VWA3A: variants seen among roughly 807,000 people sequenced by gnomAD.
VWA3A encodes the protein von Willebrand factor A domain-containing protein 3A.
VWA3A carries 134 observed loss-of-function variants against 160.4 expected under a neutral mutation model. The ratio of observed to expected loss-of-function variants is 0.84; its 90% confidence interval spans 0.73 to 0.96. The LOEUF is 0.96. Ranked by LOEUF, VWA3A falls within the 40% of genes least tolerant of loss-of-function variation. The pLI is 0.00. For missense variants in VWA3A, 1,310 were observed against 1,447.9 expected (o/e 0.90, Z 1.55); for synonymous variants, 476 against 543.4 (o/e 0.88, Z 1.72).
chr16:22,118,390 A>G (rs901793765), intron 11 of VWA3A, among the ~76,000 whole-genome samples: 1 of 152,166 alleles, frequency 6.6e-6, no homozygotes, highest in African/African-American at 2.4e-5. Context: ...ATTGTTTTAA[A>G]ACACAGCAGG....
intron 26 of VWA3A, among the ~76,000 whole-genome samples, chr16:22,145,895 C>T (rs912768988): frequency 1.3e-5 from 2 of 152,030 alleles, no homozygotes. Flanking sequence ...TCACAGCTCA[C>T]TGCAGCCTCT....
At chr16:22,121,309 G>A (rs949794399) in intron 13 of VWA3A, among the ~76,000 whole-genome samples, 1 of 152,106 alleles carries the variant, frequency 6.6e-6, no homozygotes, top group Non-Finnish European at 1.5e-5. Flanking sequence ...TGGGTGTGGT[G>A]GCATGCACCT....
chr16:22,096,805 C>T (rs929491257), intron 1 of VWA3A, 54 bp from the exon 2 acceptor site: 1 of 1,202,354 alleles, frequency 8.3e-7, no homozygotes, highest in South Asian at 1.3e-5. Flanking sequence ...CCCCCCAAAA[C>T]TATTGTCTGT....
intron 27 of VWA3A, chr16:22,147,771 A>C: frequency 1.5e-6 from 1 of 675,888 alleles, no homozygotes; most frequent in Non-Finnish European, 2.7e-6. Flanking sequence ...TGTAGTATGA[A>C]TCCCCCAGCT....
chr16:22,131,639 G>C lies in VWA3A; in HGVS notation c.1782G>C (p.Arg594=). The C allele has an allele frequency of 6.2e-7, 1 of 1,613,966 alleles. No homozygotes were observed. The highest frequency in any genetic ancestry group is 8.5e-7 in the Non-Finnish European group (1 of 1,179,872). ...GCAGGAACGTTCTCAGCGCCCTGCG[G>C]AAGGCTGTGGAAGTAGACTTCAAGG... ...RGSRNVLSAL[R]KAVEVDFKDK... is the part of the protein sequence containing the mutation. Residue 594 remains arginine, a synonymous_variant, in exon 19 of 34, where the codon CGG becomes CGC. Coordinates refer to ENST00000389398, the MANE Select transcript of VWA3A (RefSeq NM_173615.5).
At chr16:22,123,309 G>A (rs925713898) in intron 15 of VWA3A, 144 bp downstream of exon 15, 29 of 1,120,060 alleles carry the variant, frequency 2.6e-5, no homozygotes, top group Non-Finnish European at 3.6e-5. Flanking sequence ...CAGGCCTCCT[G>A]AAGCTTTGGC....
At chr16:22,147,536 T>C (rs1036246924) in intron 27 of VWA3A, 2 of 702,220 alleles carry the variant, frequency 2.8e-6, no homozygotes, top group Non-Finnish European at 5.2e-6. Context: ...GGTGGCTTTG[T>C]ACGTGCCACT....
At chr16:22,124,530 C>CTATTATTATTAT (rs10564178) in intron 16 of VWA3A, among the ~76,000 whole-genome samples, 38 of 141,170 alleles carry the variant, frequency 2.7e-4, no homozygotes, top group Middle Eastern at 3.7e-3. Context: ...TACTATACAT[C>CTATTATTATTAT]TATTATTATT....
At chr16:22,097,435 A>C in intron 2 of VWA3A, 137 bp from the exon 3 acceptor site, 1 of 1,135,496 alleles carries the variant, frequency 8.8e-7, no homozygotes, top group South Asian at 1.7e-5. Flanking sequence ...AGGACTCTGC[A>C]GGAATCCTTC....
chr16:22,154,646 T>C (rs570501066), intron 31 of VWA3A, among the ~76,000 whole-genome samples: 1 of 151,916 alleles, frequency 6.6e-6, no homozygotes, highest in African/African-American at 2.4e-5. Context: ...TTTTATTAGT[T>C]AACATTTTTT....
intron 30 of VWA3A, among the ~76,000 whole-genome samples, chr16:22,151,951 G>A (rs1169310580): frequency 6.6e-6 from 1 of 151,980 alleles, no homozygotes; most frequent in African/African-American, 2.4e-5. Flanking sequence ...GCTCATGACT[G>A]TAATCCCAGC....
chr16:22,139,654 C>G (rs549280127), intron 22 of VWA3A, among the ~76,000 whole-genome samples: 2 of 151,978 alleles, frequency 1.3e-5, no homozygotes, highest in Non-Finnish European at 2.9e-5. Flanking sequence ...GAGATCACGC[C>G]GCTGCACTCC....
At chr16:22,100,621 G>A in intron 5 of VWA3A, 128 bp downstream of exon 5, 2 of 862,586 alleles carry the variant, frequency 2.3e-6, no homozygotes, top group Non-Finnish European at 3.7e-6. Context: ...GATCACTTGA[G>A]GTCAAGAGTT....
chr16:22,134,315 T>A, intron 20 of VWA3A, 53 bp from the exon 21 acceptor site: 2 of 1,516,802 alleles, frequency 1.3e-6, no homozygotes, highest in South Asian at 1.2e-5. Flanking sequence ...ATGGGGACGC[T>A]TGCCAGGATC....
intron 19 of VWA3A, among the ~76,000 whole-genome samples, chr16:22,132,181 T>C (rs987022487): frequency 1.3e-5 from 2 of 151,816 alleles, no homozygotes; most frequent in Non-Finnish European, 2.9e-5. Context: ...GTCGGGAGTT[T>C]GAGGCCACCT....
In VWA3A at chr16:22,115,348, C is replaced by G. The variant is rs758741346; in HGVS notation, c.691C>G (p.Leu231Val). The G allele has an allele frequency of 4.4e-6, 7 of 1,592,156 alleles. No individual in the cohort carries two copies. The highest frequency in any genetic ancestry group is 1.8e-5 in the Admixed American group (1 of 55,810). ...GTTGCTGTTGTTGTCTCCTCCCAGC[C>G]TCCAGGAACTTAAGCTCTGGGTAAA... Reference protein sequence around the residue: ...PDPMEVSASTLQELKLWVKTL... With the variant: ...PDPMEVSASTVQELKLWVKTL... Residue 231 changes from leucine (L) to valine (V), a missense_variant and splice_region_variant, in exon 9 of 34, where the codon CTC (leucine) becomes GTC (valine). Leu to Val is a conservative substitution (Grantham distance 32). Transcript: ENST00000389398.
At position 22,094,858 on chromosome 16, in the gene VWA3A, G is replaced by A. The variant is rs1567523028; in HGVS notation, c.15-2001G>A. 2.6e-5 allele frequency among the ~76,000 whole-genome samples: 4 copies of A among 151,820 alleles called. No homozygotes were observed. The South Asian group carries it at 8.3e-4, about 32-fold the overall frequency. ...GTGGGCGCCTCTTAATCCCAGCTAT[G>A]TGGGAGGCTAAGGCAGGAGAATCAC... On this transcript the variant is annotated intron_variant, in intron 1 of 33. Coordinates refer to ENST00000389398, the MANE Select transcript of VWA3A (RefSeq NM_173615.5).
rs759540431 is a variant in VWA3A, at chr16:22,146,233, C to T, written c.2731-3C>T. The stretch of plus-strand genomic sequence containing the variant: ...GTGCTTGCCTCTGCTTGCCTTAACC[C>T]AGGGAGTGGTGAGACACATCCAGTG... On this transcript the variant is annotated splice_polypyrimidine_tract_variant and splice_region_variant and intron_variant, in intron 26 of 33. Transcript: ENST00000389398. The T allele has an allele frequency of 1.7e-5, 27 of 1,612,526 alleles. No individual in the cohort carries two copies. The South Asian group carries it at 3.0e-4, about 18-fold the overall frequency.
intron 21 of VWA3A, among the ~76,000 whole-genome samples, chr16:22,137,817 G>A (rs900726892): frequency 2.0e-5 from 3 of 152,154 alleles, no homozygotes; most frequent in African/African-American, 7.2e-5. Flanking sequence ...TGGAATTCGG[G>A]TCTGAAAAAC....
Sources: gnomAD v4.1 joint callset for allele counts (sites outside exome capture counted in the v4.1 genomes callset) on GRCh38, gnomAD v4.1.1 for gene constraint, MANE v1.5 for transcripts, NCBI Gene and HGNC (gene_info 2026-07-23, HGNC 2026-07-21) for gene names.